The following TMPRSS15 variants were observed in gnomAD, a reference collection of about 807,000 sequenced individuals.
TMPRSS15 encodes the protein transmembrane serine protease 15, also known as enteropeptidase.
Under a neutral mutation model 125.3 loss-of-function variants are expected in TMPRSS15, and 128 were observed. That is an observed-to-expected ratio of 1.02 (90% CI 0.89 to 1.18). TMPRSS15 has a LOEUF of 1.18. Ranked by LOEUF, TMPRSS15 falls within the 50% of genes most tolerant of loss-of-function variation. TMPRSS15 has a pLI of 0.00. For missense variants in TMPRSS15, 1,283 were observed against 1,212.7 expected, an observed-to-expected ratio of 1.06 and a Z score of -0.86; for synonymous variants, 446 against 423.2, an observed-to-expected ratio of 1.05 and a Z score of -0.66.
At chr21:18,327,288 G>A (rs553468098) in intron 15 of TMPRSS15, among the ~76,000 whole-genome samples, 380 of 152,156 alleles carry the variant, frequency 2.5e-3, no homozygotes, top group Non-Finnish European at 4.0e-3. Flanking sequence ...GAAATGATAC[G>A]TTTTAATTTT....
At chr21:18,402,379 A>T (rs1308441543) in intron 1 of TMPRSS15, among the ~76,000 whole-genome samples, 1 of 152,076 alleles carries the variant, frequency 6.6e-6, no homozygotes, top group Non-Finnish European at 1.5e-5. Context: ...AAATACAAAA[A>T]TTAGCTGGGC....
At chr21:18,443,204 G>A (rs2824835) in intron 1 of TMPRSS15, among the ~76,000 whole-genome samples, 83,208 of 151,970 alleles carry the variant, frequency 0.55, 23,646 homozygotes, top group African/African-American at 0.64. Context: ...AAGATGGCAG[G>A]ATAGAAGCAG....
rs375282134 is a variant in TMPRSS15 at position 18,402,389 on chromosome 21, C to T, written c.145+1089G>A. 2.6e-5 allele frequency among the ~76,000 whole-genome samples: 4 copies of T among 152,004 alleles called. No homozygotes were observed. The East Asian group carries it at 7.8e-4, about 30-fold the overall frequency. ...ACTAAAAATACAAAAATTAGCTGGG[C>T]GTGATGGCGCGCACCTGTAGTCCCA... is the stretch of plus-strand genomic sequence containing the variant. On this transcript the variant is annotated intron_variant, in intron 1 of 24. Coordinates refer to ENST00000284885, the MANE Select transcript of TMPRSS15 (RefSeq NM_002772.3).
intron 19 of TMPRSS15, among the ~76,000 whole-genome samples, chr21:18,296,092 G>T (rs541079283): frequency 6.6e-6 from 1 of 152,326 alleles, no homozygotes; most frequent in East Asian, 1.9e-4. Flanking sequence ...GGTGGAGCTT[G>T]CAGTGAGCCG....
intron 23 of TMPRSS15, among the ~76,000 whole-genome samples, chr21:18,278,594 G>A (rs1165285838): frequency 4.7e-5 from 2 of 42,532 alleles, no homozygotes; most frequent in African/African-American, 1.2e-4. Flanking sequence ...GGTGGCAGGC[G>A]CCTGTGGTCC....
At chr21:18,436,376 C>G (rs2076227915) in intron 1 of TMPRSS15, among the ~76,000 whole-genome samples, 1 of 151,964 alleles carries the variant, frequency 6.6e-6, no homozygotes, top group Non-Finnish European at 1.5e-5. Flanking sequence ...TTTCTGCCTT[C>G]ATTTCGTTAT....
At chr21:18,363,650 T>C (rs2075698513) in intron 7 of TMPRSS15, among the ~76,000 whole-genome samples, 1 of 152,160 alleles carries the variant, frequency 6.6e-6, no homozygotes, top group Non-Finnish European at 1.5e-5. Context: ...AGTTAATATT[T>C]TATTTTCCTA....
chr21:18,473,833 T>C (rs774807057), intron 1 of TMPRSS15, among the ~76,000 whole-genome samples: 7 of 152,150 alleles, frequency 4.6e-5, no homozygotes, highest in Non-Finnish European at 7.4e-5. Context: ...ATTCTTATAA[T>C]CTCCTTGTTA....
At chr21:18,485,868 A>C (rs1370917104) in exon 1 of TMPRSS15, 1 of 154,132 alleles carries the variant, frequency 6.5e-6, no homozygotes, top group Non-Finnish European at 1.4e-5. Context: ...CACTTCTTAC[A>C]TGGTGACAGG....
At chr21:18,271,950 T>C (rs377543394) in intron 24 of TMPRSS15, among the ~76,000 whole-genome samples, 1,780 of 151,998 alleles carry the variant, frequency 0.012, 34 homozygotes, top group African/African-American at 0.041. Context: ...GGTGTATATG[T>C]GCCACATTTT....
intron 10 of TMPRSS15, among the ~76,000 whole-genome samples, chr21:18,349,639 A>T (rs2075543837): frequency 6.6e-6 from 1 of 152,188 alleles, no homozygotes; most frequent in East Asian, 1.9e-4. Flanking sequence ...TTGGAGAGGA[A>T]TGACTGGTTG....
chr21:18,307,940 G>A (rs2075054409), intron 18 of TMPRSS15, among the ~76,000 whole-genome samples: 2 of 152,122 alleles, frequency 1.3e-5, no homozygotes, highest in African/African-American at 4.8e-5. Flanking sequence ...ATAATCACAT[G>A]GTGATCTGCG....
At chr21:18,404,343 T>C (rs539605309), upstream of TMPRSS15, among the ~76,000 whole-genome samples, 85 of 152,334 alleles carry the variant, frequency 5.6e-4, 2 homozygotes, top group South Asian at 1.7e-3. Context: ...TATTAATGAA[T>C]GGTAGTACCT....
chr21:18,442,227 C>T (rs1035079517), intron 1 of TMPRSS15, among the ~76,000 whole-genome samples: 6 of 152,092 alleles, frequency 3.9e-5, no homozygotes, highest in Non-Finnish European at 7.4e-5. Flanking sequence ...TGTATTTCAT[C>T]TGCTCTCTCC....
Position 18,294,278 on chromosome 21 carries a change from G to T in TMPRSS15, c.2478C>A (p.Cys826Ter), listed in dbSNP as rs370908748. 1.9e-6 allele frequency: 3 copies of T among 1,614,046 alleles called. No individual in the cohort carries two copies. The highest frequency in any genetic ancestry group is 1.7e-5 in the Admixed American group (1 of 60,004). Residue 826 changes from cysteine (C) to a stop codon, truncating the protein, a stop_gained, in exon 21 of 25, where the codon TGC becomes TGA. Coordinates refer to ENST00000284885, the MANE Select transcript of TMPRSS15 (RefSeq NM_002772.3). LOFTEE classifies it high-confidence loss of function. ...SSDWLVSAAH[C>*]VYGRNLEPSK... ...CTTGACATCACACTCACCCATACAC[G>T]CAGTGTGCGGCGGACACCAGCCAGT...
At chr21:18,287,297 T>A (rs1001081975) in intron 21 of TMPRSS15, among the ~76,000 whole-genome samples, 3 of 152,142 alleles carry the variant, frequency 2.0e-5, no homozygotes, top group African/African-American at 7.2e-5. Context: ...GAATGAATAT[T>A]ACCAGTGGTT....
chr21:18,467,162 G>GA (rs1219536586), intron 1 of TMPRSS15, among the ~76,000 whole-genome samples: 1 of 152,102 alleles, frequency 6.6e-6, no homozygotes, highest in Non-Finnish European at 1.5e-5. Flanking sequence ...CACAGGAACA[G>GA]AAAACCAAAC....
intron 6 of TMPRSS15, among the ~76,000 whole-genome samples, chr21:18,367,766 A>C (rs2075752430): frequency 6.6e-6 from 1 of 152,200 alleles, no homozygotes; most frequent in Non-Finnish European, 1.5e-5. Flanking sequence ...TAATTTGCAT[A>C]ACAACTCTAT....
At chr21:18,306,803 TG>T (rs2075044147) in intron 18 of TMPRSS15, among the ~76,000 whole-genome samples, 2 of 152,230 alleles carry the variant, frequency 1.3e-5, no homozygotes, top group South Asian at 2.1e-4. Context: ...TAACCTTTAT[TG>T]TTGCATCAGT....
Sources: allele counts gnomAD v4.1 joint callset (sites outside exome capture counted in the v4.1 genomes callset), GRCh38; gene constraint gnomAD v4.1.1; transcripts MANE v1.5; gene names NCBI Gene and HGNC (gene_info 2026-07-23, HGNC 2026-07-21).